Variants in NRXN3 observed in about 807,000 individuals in gnomAD.
NRXN3 encodes neurexin 3, also known as neurexin III.
A neutral mutation model predicts 137.6 loss-of-function variants in NRXN3; 32 were observed. The observed-to-expected ratio is 0.23, with a 90% CI of 0.18 to 0.31. The LOEUF is 0.31. Ranked by LOEUF, NRXN3 falls within the 10% of genes least tolerant of loss-of-function variation. The pLI, the probability that NRXN3 is intolerant of heterozygous loss-of-function variation, is 1.00. For missense variants in NRXN3, 1,574 were observed against 2,062.5 expected (o/e 0.76, Z 4.59); for synonymous variants, 798 against 784.5 (o/e 1.02, Z -0.29).
At chr14:79,383,738 T>C (rs2094532160) in intron 15 of NRXN3, among the ~76,000 whole-genome samples, 1 of 152,168 alleles carries the variant, frequency 6.6e-6, no homozygotes, top group African/African-American at 2.4e-5. Context: ...CTTTATCATC[T>C]CAGAAGGAAG....
At chr14:79,714,326 C>T (rs986383368) in intron 19 of NRXN3, among the ~76,000 whole-genome samples, 1 of 152,166 alleles carries the variant, frequency 6.6e-6, no homozygotes, top group Non-Finnish European at 1.5e-5. Flanking sequence ...TAAGTGGAAA[C>T]TAGTGTGAGA....
intron 15 of NRXN3, among the ~76,000 whole-genome samples, chr14:79,452,377 C>T (rs2096189103): frequency 6.6e-6 from 1 of 152,096 alleles, no homozygotes; most frequent in South Asian, 2.1e-4. Context: ...AATCTTCAAG[C>T]TTGGATGGAA....
At chr14:79,361,680 G>C (rs1566911362) in intron 15 of NRXN3, among the ~76,000 whole-genome samples, 1 of 152,136 alleles carries the variant, frequency 6.6e-6, no homozygotes, top group Non-Finnish European at 1.5e-5. Flanking sequence ...TCACGCCACG[G>C]CACTCCAGTC....
At chr14:78,972,175 T>G (rs2099444251) in intron 14 of NRXN3, among the ~76,000 whole-genome samples, 1 of 152,164 alleles carries the variant, frequency 6.6e-6, no homozygotes, top group African/African-American at 2.4e-5. Flanking sequence ...TGAGGCCAGC[T>G]TTGCTGCAGA....
intron 15 of NRXN3, among the ~76,000 whole-genome samples, chr14:79,038,897 T>G (rs1449045484): frequency 6.6e-6 from 1 of 152,124 alleles, no homozygotes; most frequent in Admixed American, 6.5e-5. Context: ...CCATAAAGTA[T>G]GATTTATTTA....
intron 10 of NRXN3, among the ~76,000 whole-genome samples, chr14:78,870,246 C>G (rs376217455): frequency 3.9e-5 from 6 of 152,148 alleles, no homozygotes; most frequent in African/African-American, 1.2e-4. Flanking sequence ...GTAAAAAAGT[C>G]TTTATCAATC....
chr14:78,851,492 T>A (rs1235331022), intron 10 of NRXN3, among the ~76,000 whole-genome samples: 1 of 152,196 alleles, frequency 6.6e-6, no homozygotes, highest in Admixed American at 6.5e-5. Flanking sequence ...AATACATCAC[T>A]TCAGAATCAG....
At chr14:79,429,165 A>G (rs534110689) in intron 15 of NRXN3, among the ~76,000 whole-genome samples, 1 of 152,344 alleles carries the variant, frequency 6.6e-6, no homozygotes, top group Non-Finnish European at 1.5e-5. Flanking sequence ...TTAAGCAAAT[A>G]TAGATGAGCT....
chr14:78,867,128 A>C (rs1038946237), intron 10 of NRXN3, among the ~76,000 whole-genome samples: 1 of 152,010 alleles, frequency 6.6e-6, no homozygotes, highest in Admixed American at 6.6e-5. Context: ...ATGCTTTCAC[A>C]TTTACTTTAT....
intron 10 of NRXN3, among the ~76,000 whole-genome samples, chr14:78,905,229 C>T (rs2099211841): frequency 6.6e-6 from 1 of 152,048 alleles, no homozygotes; most frequent in African/African-American, 2.4e-5. Context: ...AGCTACTCCA[C>T]ACCTACACAA....
rs562389936 is a variant in NRXN3, at chr14:79,760,756, C to T, written c.4015-44356C>T. The T allele has an allele frequency of 3.3e-5, 5 of 151,636 alleles. No individual in the cohort carries two copies. In the South Asian group the frequency reaches 8.3e-4, roughly 25 times the overall value. 9.4% of individuals were successfully genotyped at this position (151,636 alleles called of 1,614,324 possible). ...AAAAGAGCTTCATAGAGGCCATCTA[C>T]ACGTGTTCTCTTCTGGGTTATCGCG... On this transcript the variant is annotated intron_variant, in intron 19 of 20. Transcript: ENST00000335750.
chr14:78,620,243 C>T (rs868042508), intron 4 of NRXN3, among the ~76,000 whole-genome samples: 5 of 152,286 alleles, frequency 3.3e-5, no homozygotes, highest in South Asian at 4.1e-4. Context: ...CTTTGGGACA[C>T]TTTTTATTAT....
intron 6 of NRXN3, among the ~76,000 whole-genome samples, chr14:78,703,406 C>A (rs1392499877): frequency 1.3e-5 from 2 of 152,170 alleles, no homozygotes; most frequent in African/African-American, 4.8e-5. Flanking sequence ...TTTCACAACA[C>A]TTCTTAGTCA....
At chr14:79,606,787 T>C (rs1008340657) in intron 16 of NRXN3, among the ~76,000 whole-genome samples, 14 of 152,184 alleles carry the variant, frequency 9.2e-5, no homozygotes, top group Non-Finnish European at 1.9e-4. Context: ...AGTCAATAAT[T>C]ACAAGCTAAT....
intron 6 of NRXN3, among the ~76,000 whole-genome samples, chr14:78,704,568 G>A (rs568684026): frequency 3.5e-4 from 53 of 152,282 alleles, no homozygotes; most frequent in African/African-American, 1.2e-3. Flanking sequence ...GGACTTGGGT[G>A]TGGTTTTTGT....
chr14:79,366,769 G>A (rs538375773), intron 15 of NRXN3, among the ~76,000 whole-genome samples: 8 of 152,224 alleles, frequency 5.3e-5, no homozygotes, highest in African/African-American at 1.9e-4. Flanking sequence ...CATGTGTGTG[G>A]CACAGGGAAG....
intron 15 of NRXN3, among the ~76,000 whole-genome samples, chr14:79,059,553 G>A (rs2099671600): frequency 6.6e-6 from 1 of 152,096 alleles, no homozygotes; most frequent in Non-Finnish European, 1.5e-5. Flanking sequence ...CACCGCGCCT[G>A]GCCTCAGGCC....
chr14:79,725,243 A>G (rs1231030677), intron 19 of NRXN3, among the ~76,000 whole-genome samples: 1 of 152,140 alleles, frequency 6.6e-6, no homozygotes, highest in Admixed American at 6.6e-5. Flanking sequence ...TTCCTGAGGA[A>G]CTTTAGATTG....
intron 15 of NRXN3, among the ~76,000 whole-genome samples, chr14:79,102,371 T>C (rs1305010502): frequency 6.6e-6 from 1 of 152,196 alleles, no homozygotes; most frequent in Non-Finnish European, 1.5e-5. Context: ...CCTGCTAAGC[T>C]TACATTTTCA....
Sources: allele counts gnomAD v4.1 joint callset (sites outside exome capture counted in the v4.1 genomes callset), GRCh38; gene constraint gnomAD v4.1.1; transcripts MANE v1.5; gene names NCBI Gene and HGNC (gene_info 2026-07-23, HGNC 2026-07-21).